Variants in PITHD1 observed in about 807,000 individuals in gnomAD.
The protein encoded by PITHD1 is PITH domain-containing protein 1.
Under a neutral mutation model 27.5 loss-of-function variants are expected in PITHD1, and 8 were observed. The ratio of observed to expected loss-of-function variants is 0.29; its 90% CI spans 0.17 to 0.52. The LOEUF is 0.52. Among genes scored for constraint, PITHD1 ranks in the 20% least tolerant of loss-of-function variants. The probability of loss-of-function intolerance (pLI) is 0.96; values close to 1 mark genes in which losing one functional copy is unlikely to be tolerated. For synonymous variants in PITHD1, 118 were observed against 106.8 expected (o/e 1.10, Z -0.64); for missense variants, 233 against 283.9 (o/e 0.82, Z 1.29).
At position 23,779,429 on chromosome 1, in the gene PITHD1, C is replaced by T. The variant is rs775081991; in HGVS notation, c.199-9C>T. ...TTGCTTTCTCCTCCCCCCTCCCCAT[C>T]CCCTCCAGTTTGTTGAAAGTGATGC... On this transcript the variant is annotated splice_polypyrimidine_tract_variant and intron_variant, in intron 1 of 5. Transcript: ENST00000246151. 31 of 1,609,642 alleles carry T rather than the reference C, an allele frequency of 1.9e-5. No individual in the cohort carries two copies. Among genetic ancestry groups the T allele is most frequent in the Non-Finnish European group, 2.6e-5 (30 of 1,176,058 alleles).
chr1:23,780,032 C>T (rs923134407), intron 3 of PITHD1, 91 bp downstream of exon 3: 1 of 822,620 alleles, frequency 1.2e-6, no homozygotes, highest in South Asian at 1.4e-5. Context: ...TTTCTTCTTA[C>T]CGGGTTTAAT....
At chr1:23,778,977 G>C (rs1399544716) in intron 1 of PITHD1, among the ~76,000 whole-genome samples, 1 of 152,210 alleles carries the variant, frequency 6.6e-6, no homozygotes, top group Non-Finnish European at 1.5e-5. Flanking sequence ...GGGCTAGAGA[G>C]GATGGTCGTG....
intron 1 of PITHD1, 161 bp from the exon 2 acceptor site, chr1:23,779,277 G>C (rs1390522501): frequency 1.6e-6 from 1 of 637,942 alleles, no homozygotes; most frequent in Non-Finnish European, 2.8e-6. Context: ...TATGACACTG[G>C]ATAAGACTGG....
intron 3 of PITHD1, among the ~76,000 whole-genome samples, chr1:23,781,333 C>T (rs536076666): frequency 2.0e-5 from 3 of 152,234 alleles, no homozygotes; most frequent in East Asian, 1.9e-4. Context: ...TGCGGTGGCA[C>T]AGGCCTGTAA....
Position 23,787,761 on chromosome 1 carries a change from G to T in PITHD1, c.*385G>T, listed in dbSNP as rs1469928086. The T allele has an allele frequency of 6.4e-6, 1 of 156,788 alleles. No individual in the cohort carries two copies. Among genetic ancestry groups the T allele is most frequent in the Non-Finnish European group, 1.4e-5 (1 of 71,012 alleles). 9.7% of individuals were successfully genotyped at this position (156,788 alleles called of 1,614,324 possible). On this transcript the variant is annotated 3_prime_UTR_variant, in exon 6 of 6. Transcript: ENST00000246151. The stretch of plus-strand genomic sequence containing the variant: ...TTTGTTTTTTTAAAGGAAACTATTT[G>T]TGGGCTATAGGAAACTTTCTGATGC...
rs1638545807 is a variant in PITHD1 at position 23,778,602 on chromosome 1, C to T, written c.87C>T (p.Tyr29=). 7.5e-7 allele frequency: 1 copy of T among 1,324,690 alleles called. No homozygotes were observed. Among genetic ancestry groups the T allele is most frequent in the South Asian group, 2.0e-5 (1 of 48,856 alleles). The allele number at this position is 1,324,690 out of a possible 1,614,324, so 82.1% of individuals were successfully genotyped here. ...CGCCCGAGCAGCGCGGCCTGGCCTA[C>T]GGCCTGTACCTGCGCATCGACCTGG... ...EEPPEQRGLA[Y]GLYLRIDLER... The change falls in exon 1 of 6, where the codon TAC becomes TAT. Residue 29 remains tyrosine (Y), a synonymous_variant. Transcript: ENST00000246151.
intron 3 of PITHD1, among the ~76,000 whole-genome samples, chr1:23,780,838 G>T (rs879470793): frequency 1.3e-5 from 2 of 151,884 alleles, no homozygotes; most frequent in African/African-American, 2.4e-5. Context: ...TCTCGCCACT[G>T]CACTCCAGCC....
chr1:23,785,494 A>G (rs1336493583), intron 3 of PITHD1, among the ~76,000 whole-genome samples, 181 bp from the exon 4 acceptor site: 2 of 146,978 alleles, frequency 1.4e-5, no homozygotes, highest in Non-Finnish European at 3.0e-5. Context: ...CTCTGTCTCA[A>G]AAAAAAAAAA....
chr1:23,783,430 C>CATATATACGCATATATACACATATATAT (rs1638637672), intron 3 of PITHD1, among the ~76,000 whole-genome samples: 5 of 134,382 alleles, frequency 3.7e-5, no homozygotes, highest in South Asian at 2.4e-4. Flanking sequence ...CGTATATATA[C>CATATATACGCATATATACACATATATAT]GTGTGTGTGT....
intron 3 of PITHD1, among the ~76,000 whole-genome samples, chr1:23,781,824 T>C (rs1293382394): frequency 6.6e-6 from 1 of 152,114 alleles, no homozygotes. Context: ...CCTCATAAGA[T>C]TGTGGAGAGG....
intron 2 of PITHD1, 182 bp from the exon 3 acceptor site, chr1:23,779,682 T>G (rs1284567047): frequency 1.5e-6 from 1 of 653,332 alleles, no homozygotes; most frequent in African/African-American, 1.8e-5. Context: ...AACTGAGAAA[T>G]TGAGGTAGAT....
At chr1:23,782,506 G>A (rs563604007) in intron 3 of PITHD1, among the ~76,000 whole-genome samples, 19 of 152,142 alleles carry the variant, frequency 1.2e-4, no homozygotes, top group African/African-American at 4.3e-4. Flanking sequence ...GAGGCGAAAG[G>A]ATCACTTGAG....
chr1:23,783,054 T>G (rs2148400683), intron 3 of PITHD1, among the ~76,000 whole-genome samples: 1 of 152,200 alleles, frequency 6.6e-6, no homozygotes, highest in East Asian at 1.9e-4. Flanking sequence ...TGGAGTGCAG[T>G]GGCGCGATCT....
rs1284567047 is a variant in PITHD1, at chr1:23,779,682, T to C, written c.243-182T>C. 4 of 653,332 alleles carry C rather than the reference T, an allele frequency of 6.1e-6. No individual in the cohort carries two copies. In the African/African-American group the frequency reaches 7.3e-5, roughly 12 times the overall value. 40.5% of individuals were successfully genotyped at this position (653,332 alleles called of 1,614,324 possible). On this transcript the variant is annotated intron_variant, in intron 2 of 5. Coordinates refer to ENST00000246151, the MANE Select transcript of PITHD1 (RefSeq NM_020362.5). ...TATTTGTAGAACAATAACTGAGAAA[T>C]TGAGGTAGATTTCTTAGAATTGTAG...
rs1404038665 is a variant in PITHD1 at position 23,783,863 on chromosome 1, A to G, written c.321-1812A>G. Among the ~76,000 whole-genome samples, 6 of 152,348 alleles carry G rather than the reference A, an allele frequency of 3.9e-5. No homozygotes were observed. The East Asian group carries it at 1.2e-3, about 29-fold the overall frequency. ...AGATCAACAAAATGTTGATCATCGA[A>G]GATGAGTGAAAAGTATGTGGAGATT... is the stretch of plus-strand genomic sequence containing the variant. On this transcript the variant is annotated intron_variant, in intron 3 of 5. Coordinates refer to ENST00000246151, the MANE Select transcript of PITHD1 (RefSeq NM_020362.5).
In PITHD1 at chr1:23,783,381, G is replaced by C. The variant is rs1036219209; in HGVS notation, c.321-2294G>C. 7.3e-5 allele frequency among the ~76,000 whole-genome samples: 9 copies of C among 123,926 alleles called. No homozygotes were observed. The Admixed American group carries it at 7.9e-4, about 11-fold the overall frequency. 81.3% of individuals were successfully genotyped at this position (123,926 alleles called of 152,430 possible). ...CGCATATATATATACACATATATGT[G>C]TATATATACATATATACGCATATAT... On this transcript the variant is annotated intron_variant, in intron 3 of 5. Coordinates refer to ENST00000246151, the MANE Select transcript of PITHD1 (RefSeq NM_020362.5).
chr1:23,778,563 C>A lies in PITHD1; in HGVS notation c.48C>A (p.Ala16=), dbSNP rs914733398. ...GCGGGGGTGGCTGCCGCTGCGCCGC[C>A]GAACGGGAGGAGCCGCCCGAGCAGC... ...SHGGGGCRCA[A]EREEPPEQRG... Residue 16 remains alanine, a synonymous_variant, in exon 1 of 6, where the codon GCC becomes GCA. Transcript: ENST00000246151. 2.5e-5 allele frequency: 33 copies of A among 1,341,434 alleles called. No homozygotes were observed. Among genetic ancestry groups the A allele is most frequent in the Non-Finnish European group, 3.0e-5 (32 of 1,050,854 alleles). The allele number at this position is 1,341,434 out of a possible 1,614,324, so 83.1% of individuals were successfully genotyped here. A position where few individuals can be genotyped will look rare whatever the true frequency, so the allele number is the denominator to read the frequency against.
intron 3 of PITHD1, among the ~76,000 whole-genome samples, chr1:23,781,284 G>A (rs1638598440): frequency 6.6e-6 from 1 of 152,056 alleles, no homozygotes; most frequent in African/African-American, 2.4e-5. Context: ...TCAACATGGC[G>A]AAACCCTGTC....
Position 23,787,345 on chromosome 1 carries a change from AG to A in PITHD1, c.607del (p.Val203LeufsTer17), listed in dbSNP as rs765814585. 1 of 1,610,476 alleles carries A rather than the reference AG, an allele frequency of 6.2e-7. No homozygotes were observed. The highest frequency in any genetic ancestry group is 1.3e-5 in the African/African-American group (1 of 74,834). ...AACCCAGCAGACCATAGGGTCCATCAGGTTACCCCACAGACACACTTTATTT... is the reference window on the plus strand; with the variant it reads ...AACCCAGCAGACCATAGGGTCCATCAGTTACCCCACAGACACACTTTATTT... ...SANPADHRVH[Q>X]VTPQTHFIS On this transcript the variant is annotated frameshift_variant, in exon 6 of 6. Transcript: ENST00000246151. LOFTEE classifies it high-confidence loss of function.
Sources: gnomAD v4.1 joint callset for allele counts (sites outside exome capture counted in the v4.1 genomes callset) on GRCh38, gnomAD v4.1.1 for gene constraint, MANE v1.5 for transcripts, NCBI Gene and HGNC (gene_info 2026-07-23, HGNC 2026-07-21) for gene names.